RAB7A: variants seen among roughly 807,000 people sequenced by gnomAD.
RAB7A encodes ras-related protein Rab-7a.
RAB7A carries 2 observed loss-of-function variants against 24.5 expected under a neutral mutation model. The observed-to-expected ratio is 0.08, with a 90% CI of 0.03 to 0.26. The LOEUF (loss-of-function observed/expected upper bound fraction) is 0.26, where lower values mean the gene tolerates loss of function less well. Ranked by LOEUF, RAB7A falls within the 10% of genes least tolerant of loss-of-function variation. The pLI, the probability that RAB7A is intolerant of heterozygous loss-of-function variation, is 1.00. For missense variants in RAB7A, 118 were observed against 255.7 expected (o/e 0.46, Z 3.67); for synonymous variants, 100 against 95.9 (o/e 1.04, Z -0.25).
At position 128,735,713 on chromosome 3, in the gene RAB7A, G is replaced by T. The variant is rs138665319; in HGVS notation, c.-9+9354G>T. 5.2e-3 allele frequency among the ~76,000 whole-genome samples: 792 copies of T among 152,286 alleles called. 6 individuals are homozygous for T. The highest frequency in any genetic ancestry group is 0.018 in the African/African-American group (753 of 41,546). ...GGTTTTCCTCTTTAGCCAGCCCATT[G>T]TGGGCTCCTCTTAGCAATTTATGGG... On this transcript the variant is annotated intron_variant, in intron 1 of 5. Transcript: ENST00000265062.
intron 1 of RAB7A, among the ~76,000 whole-genome samples, chr3:128,750,691 T>C (rs1652595725): frequency 6.6e-6 from 1 of 152,194 alleles, no homozygotes; most frequent in South Asian, 2.1e-4. Flanking sequence ...AAATAGAAAG[T>C]AAAAACTTAT....
chr3:128,745,430 C>G (rs1350638895), intron 1 of RAB7A, among the ~76,000 whole-genome samples: 1 of 152,156 alleles, frequency 6.6e-6, no homozygotes, highest in Non-Finnish European at 1.5e-5. Context: ...GTGGCATGAT[C>G]TCAGCTCACT....
intron 1 of RAB7A, among the ~76,000 whole-genome samples, chr3:128,745,121 G>A (rs1367356260): frequency 3.3e-5 from 5 of 151,856 alleles, no homozygotes; most frequent in African/African-American, 9.7e-5. Context: ...TGATCCACCC[G>A]TCTCGGCCTC....
rs1209788638 is a variant in RAB7A, at chr3:128,746,514, TTTTTTTA to T, written c.-9+20174_-9+20180del. ...TCAACATTTTTATTTATTTTTTTTATTTTTTTATTTTTTATTTTTTATTTTGTTTTTG... is the reference window on the plus strand; with the variant it reads ...TCAACATTTTTATTTATTTTTTTTATTTTTTTATTTTTTATTTTGTTTTTG... On this transcript the variant is annotated intron_variant, in intron 1 of 5. Coordinates refer to ENST00000265062, the MANE Select transcript of RAB7A (RefSeq NM_004637.6). 5.4e-4 allele frequency among the ~76,000 whole-genome samples: 82 copies of T among 151,810 alleles called. 1 individual carries two copies. Among genetic ancestry groups the T allele is most frequent in the African/African-American group, 1.8e-3 (74 of 41,362 alleles).
intron 1 of RAB7A, among the ~76,000 whole-genome samples, chr3:128,786,885 G>C (rs975832860): frequency 6.6e-6 from 1 of 152,150 alleles, no homozygotes; most frequent in Non-Finnish European, 1.5e-5. Context: ...TTAGCAGCAA[G>C]GGAAATTTTG....
At chr3:128,744,102 TAAAAAA>T (rs58045599) in intron 1 of RAB7A, among the ~76,000 whole-genome samples, 10 of 142,024 alleles carry the variant, frequency 7.0e-5, no homozygotes, top group African/African-American at 2.6e-4. Flanking sequence ...TTCTTGCTCT[TAAAAAA>T]AAAAAAAAAT....
Position 128,795,751 on chromosome 3 carries a change from CT to C in RAB7A, c.53+348del, listed in dbSNP as rs71153147. ...ATTGGCATCTGGCGTAGCAGATGTGCTTTTTTTTTTTTTTTTTGGAGACAGA... is the reference window on the plus strand; with the variant it reads ...ATTGGCATCTGGCGTAGCAGATGTGCTTTTTTTTTTTTTTTTGGAGACAGA... On this transcript the variant is annotated intron_variant, in intron 2 of 5. Coordinates refer to ENST00000265062, the MANE Select transcript of RAB7A (RefSeq NM_004637.6). 1.3e-3 allele frequency among the ~76,000 whole-genome samples: 57 copies of C among 43,038 alleles called. 2 individuals are homozygous for C. The East Asian group carries it at 0.014, about 10-fold the overall frequency. 28.2% of individuals were successfully genotyped at this position (43,038 alleles called of 152,430 possible).
chr3:128,772,747 G>A (rs1932980891), intron 1 of RAB7A, among the ~76,000 whole-genome samples: 2 of 152,370 alleles, frequency 1.3e-5, no homozygotes, highest in East Asian at 1.9e-4. Context: ...GGGCCGCCAC[G>A]CCTAACTGGT....
intron 1 of RAB7A, among the ~76,000 whole-genome samples, chr3:128,727,979 C>T (rs2070397649): frequency 6.6e-6 from 1 of 151,754 alleles, no homozygotes; most frequent in African/African-American, 2.4e-5. Context: ...AACTTTGCTA[C>T]CTAGCCTAAA....
chr3:128,728,438 C>T (rs866402588), intron 1 of RAB7A, among the ~76,000 whole-genome samples: 2 of 152,166 alleles, frequency 1.3e-5, no homozygotes, highest in African/African-American at 4.8e-5. Context: ...ACTTGTTTCT[C>T]CTTTTGCTCT....
At chr3:128,802,826 G>A (rs1406743032) in intron 3 of RAB7A, among the ~76,000 whole-genome samples, 1 of 142,686 alleles carries the variant, frequency 7.0e-6, no homozygotes, top group Non-Finnish European at 1.5e-5. Flanking sequence ...TTTTTTTTGA[G>A]ACAGGAGTCT....
intron 1 of RAB7A, chr3:128,748,895 T>C (rs924590733): frequency 3.9e-5 from 6 of 152,154 alleles, no homozygotes; most frequent in Admixed American, 3.9e-4. Context: ...CTTGTCACCA[T>C]GGTGTAGAGA....
chr3:128,762,128 A>G (rs2070780056), intron 1 of RAB7A, among the ~76,000 whole-genome samples: 1 of 152,236 alleles, frequency 6.6e-6, no homozygotes, highest in Non-Finnish European at 1.5e-5. Flanking sequence ...ACAGTAATTT[A>G]TGTAGGAATA....
chr3:128,760,011 C>T (rs918485747), intron 1 of RAB7A, among the ~76,000 whole-genome samples: 3 of 152,104 alleles, frequency 2.0e-5, no homozygotes, highest in Admixed American at 6.5e-5. Flanking sequence ...TGCCCAGCCT[C>T]GATGATGACT....
chr3:128,755,769 G>C (rs139854879), intron 1 of RAB7A, among the ~76,000 whole-genome samples: 57 of 152,150 alleles, frequency 3.7e-4, no homozygotes, highest in African/African-American at 1.3e-3. Context: ...TAATGGTAAT[G>C]ATTTTTTTTA....
At chr3:128,744,279 A>C (rs932702131) in intron 1 of RAB7A, among the ~76,000 whole-genome samples, 1 of 152,128 alleles carries the variant, frequency 6.6e-6, no homozygotes, top group African/African-American at 2.4e-5. Flanking sequence ...AAAAGGAACT[A>C]TACAGAAATT....
intron 2 of RAB7A, among the ~76,000 whole-genome samples, chr3:128,797,580 G>T (rs1576299775): frequency 6.6e-6 from 1 of 152,200 alleles, no homozygotes; most frequent in Non-Finnish European, 1.5e-5. Flanking sequence ...AGATAGCAGG[G>T]ATACTGTTGG....
intron 1 of RAB7A, among the ~76,000 whole-genome samples, chr3:128,746,479 G>A (rs1414511162): frequency 2.6e-5 from 4 of 151,594 alleles, no homozygotes; most frequent in African/African-American, 4.8e-5. Flanking sequence ...TGTATTGACC[G>A]GGTTGGGGTT....
chr3:128,747,755 A>ATTTTG (rs547119818), intron 1 of RAB7A, among the ~76,000 whole-genome samples: 79 of 150,982 alleles, frequency 5.2e-4, no homozygotes, highest in African/African-American at 1.5e-3. Flanking sequence ...ATTCTTTTTC[A>ATTTTG]TTTTGTTTTG....
Sources: allele counts gnomAD v4.1 joint callset (sites outside exome capture counted in the v4.1 genomes callset), GRCh38; gene constraint gnomAD v4.1.1; transcripts MANE v1.5; gene names NCBI Gene and HGNC (gene_info 2026-07-23, HGNC 2026-07-21).